The following ZMIZ1 variants were observed in gnomAD, a reference collection of about 807,000 sequenced individuals.
ZMIZ1 encodes zinc finger MIZ-type containing 1, also known as zinc finger MIZ domain-containing protein 1.
Under a neutral mutation model 113.9 loss-of-function variants are expected in ZMIZ1, and 17 were observed. That is an observed-to-expected ratio of 0.15 (90% CI 0.10 to 0.22). The LOEUF (loss-of-function observed/expected upper bound fraction) is 0.22. Ranked by LOEUF, ZMIZ1 falls within the 10% of genes least tolerant of loss-of-function variation. The pLI is 1.00. For synonymous variants in ZMIZ1, 607 were observed against 603.1 expected (o/e 1.01, Z -0.09); for missense variants, 1,059 against 1,477.8 (o/e 0.72, Z 4.65).
At chr10:79,162,746 CT>C (rs1846166842) in intron 4 of ZMIZ1, among the ~76,000 whole-genome samples, 1 of 152,204 alleles carries the variant, frequency 6.6e-6, no homozygotes, top group Non-Finnish European at 1.5e-5. Context: ...CATGTCAGTC[CT>C]TTTCCTCAAG....
chr10:79,268,628 C>T lies in ZMIZ1; in HGVS notation c.281-8553C>T, dbSNP rs188380192. ...GTTGTAGAAGTGAAGCCCCCAAATC[C>T]GATCGTGGCCCCAGGGGCTCATGCT... On this transcript the variant is annotated intron_variant, in intron 7 of 24. Coordinates refer to ENST00000334512, the MANE Select transcript of ZMIZ1 (RefSeq NM_020338.4). Among the ~76,000 whole-genome samples, 33 of 152,352 alleles carry T rather than the reference C, an allele frequency of 2.2e-4. 1 individual carries two copies. The highest frequency in any genetic ancestry group is 2.0e-3 in the Admixed American group (31 of 15,300).
chr10:79,242,128 G>A (rs1235115237), intron 7 of ZMIZ1, among the ~76,000 whole-genome samples: 3 of 152,174 alleles, frequency 2.0e-5, no homozygotes, highest in Admixed American at 2.0e-4. Context: ...ATCTCTGGAG[G>A]TGGGACAGCA....
At chr10:79,171,516 T>TAC (rs1846601851) in intron 4 of ZMIZ1, among the ~76,000 whole-genome samples, 1 of 152,240 alleles carries the variant, frequency 6.6e-6, no homozygotes, top group African/African-American at 2.4e-5. Context: ...GCAGCAGTAT[T>TAC]TAGTAAGCAC....
chr10:79,246,085 G>A (rs1439015824), intron 7 of ZMIZ1, among the ~76,000 whole-genome samples: 1 of 152,266 alleles, frequency 6.6e-6, no homozygotes, highest in East Asian at 1.9e-4. Flanking sequence ...GCAGCCTGCT[G>A]CGGGGAAGGA....
intron 7 of ZMIZ1, among the ~76,000 whole-genome samples, chr10:79,236,435 C>G (rs148604461): frequency 6.6e-6 from 1 of 152,334 alleles, no homozygotes; most frequent in African/African-American, 2.4e-5. Context: ...TCGGAAGCCC[C>G]CATCAAAGCT....
chr10:79,307,544 A>G lies in ZMIZ1; in HGVS notation c.2808A>G (p.Lys936=). 1 of 1,594,910 alleles carries G rather than the reference A, an allele frequency of 6.3e-7. No individual in the cohort carries two copies. The highest frequency in any genetic ancestry group is 8.5e-7 in the Non-Finnish European group (1 of 1,170,012). Residue 936 remains lysine (K), a synonymous_variant, in exon 23 of 25, where the codon AAA becomes AAG. Transcript: ENST00000334512. ...CCAACAACATGGCCGCCCTCGAGAA[A>G]CCCCTCAGCCACCCCATGCAGGAAA... ...DMPNNMAALE[K]PLSHPMQETM...
chr10:79,251,949 A>C (rs369553511), intron 7 of ZMIZ1, among the ~76,000 whole-genome samples: 188 of 152,250 alleles, frequency 1.2e-3, no homozygotes, highest in African/African-American at 4.1e-3. Flanking sequence ...AGTGGCTTCT[A>C]GGAGGCCACT....
intron 18 of ZMIZ1, 48 bp from the exon 19 acceptor site, chr10:79,303,967 G>A (rs1348104633): frequency 6.2e-7 from 1 of 1,610,660 alleles, no homozygotes; most frequent in Non-Finnish European, 8.5e-7. Flanking sequence ...CCCTACCTCT[G>A]CAGGACTGTC....
chr10:79,111,701 A>G (rs1005738629), intron 1 of ZMIZ1, among the ~76,000 whole-genome samples: 9 of 152,198 alleles, frequency 5.9e-5, no homozygotes, highest in Admixed American at 1.3e-4. Flanking sequence ...GAAATTCCCA[A>G]GCTTGCCCCT....
intron 1 of ZMIZ1, among the ~76,000 whole-genome samples, chr10:79,072,707 T>C (rs7086247): frequency 0.099 from 15,024 of 152,258 alleles, 947 homozygotes; most frequent in African/African-American, 0.18. Flanking sequence ...TCCTCTACAT[T>C]TTCATTCATA....
rs1225163612 is a variant in ZMIZ1 at position 79,310,459 on chromosome 10, C to T, written c.2836-465C>T. Among the ~76,000 whole-genome samples the T allele has an allele frequency of 7.2e-5, 11 of 152,208 alleles. 1 individual carries two copies. The highest frequency in any genetic ancestry group is 3.3e-4 in the Admixed American group (5 of 15,286). On this transcript the variant is annotated intron_variant, in intron 23 of 24. Transcript: ENST00000334512. ...CAGACCCAGTCCTGAGCCGCACGCCCGCCCAATGCTGTCTGTCTGTGTCTG... is the reference window on the plus strand; with the variant it reads ...CAGACCCAGTCCTGAGCCGCACGCCTGCCCAATGCTGTCTGTCTGTGTCTG...
chr10:79,274,769 A>G (rs1852163994), intron 7 of ZMIZ1, among the ~76,000 whole-genome samples: 1 of 152,210 alleles, frequency 6.6e-6, no homozygotes, highest in African/African-American at 2.4e-5. Context: ...ACTGTACAGC[A>G]AGGCCCTGTC....
intron 3 of ZMIZ1, among the ~76,000 whole-genome samples, chr10:79,143,331 G>A (rs572109700): frequency 1.4e-4 from 22 of 152,108 alleles, no homozygotes; most frequent in African/African-American, 3.1e-4. Flanking sequence ...AGGGCTCCCC[G>A]AGACTCTGGA....
chr10:79,121,789 G>A (rs1205618998), intron 2 of ZMIZ1, among the ~76,000 whole-genome samples: 2 of 152,138 alleles, frequency 1.3e-5, no homozygotes, highest in South Asian at 4.1e-4. Flanking sequence ...TTTACGCTGG[G>A]CCTTGGAAAG....
At chr10:79,259,829 C>T (rs1851153410) in intron 7 of ZMIZ1, among the ~76,000 whole-genome samples, 1 of 152,172 alleles carries the variant, frequency 6.6e-6, no homozygotes, top group South Asian at 2.1e-4. Flanking sequence ...CCAAGCTGGT[C>T]TCAAAGTCCT....
At chr10:79,211,835 G>T (rs888449773) in intron 6 of ZMIZ1, among the ~76,000 whole-genome samples, 2 of 152,350 alleles carry the variant, frequency 1.3e-5, no homozygotes, top group African/African-American at 4.8e-5. Flanking sequence ...CCTCCCGTGG[G>T]CTTAGGGAAC....
intron 7 of ZMIZ1, among the ~76,000 whole-genome samples, chr10:79,267,682 T>A (rs1851689670): frequency 6.6e-6 from 1 of 152,172 alleles, no homozygotes; most frequent in Admixed American, 6.5e-5. Context: ...TCACTCTGCC[T>A]CCTGGAGGCA....
chr10:79,171,526 C>A (rs190232301), intron 4 of ZMIZ1, among the ~76,000 whole-genome samples: 1 of 152,354 alleles, frequency 6.6e-6, no homozygotes, highest in Admixed American at 6.5e-5. Flanking sequence ...TTAGTAAGCA[C>A]CTACTATTTG....
chr10:79,151,030 A>G (rs1400239756), intron 3 of ZMIZ1, among the ~76,000 whole-genome samples: 1 of 152,010 alleles, frequency 6.6e-6, no homozygotes, highest in East Asian at 1.9e-4. Context: ...AAAGGGGGCC[A>G]AGCAGAGGGG....
Sources: allele counts gnomAD v4.1 joint callset (sites outside exome capture counted in the v4.1 genomes callset), GRCh38; gene constraint gnomAD v4.1.1; transcripts MANE v1.5; gene names NCBI Gene and HGNC (gene_info 2026-07-23, HGNC 2026-07-21).